The following KIAA0232 variants were observed in gnomAD, a reference collection of about 807,000 sequenced individuals.
KIAA0232 encodes the protein uncharacterized protein KIAA0232.
Under a neutral mutation model 122.0 loss-of-function variants are expected in KIAA0232, and 27 were observed. That is an observed-to-expected ratio of 0.22 (90% CI 0.16 to 0.31). The LOEUF is 0.31. Ranked by LOEUF, KIAA0232 falls within the 10% of genes least tolerant of loss-of-function variation. KIAA0232 has a pLI of 1.00. For synonymous variants in KIAA0232, 613 were observed against 587.6 expected (o/e 1.04, Z -0.63); for missense variants, 1,551 against 1,634.2 (o/e 0.95, Z 0.88).
intron 2 of KIAA0232, among the ~76,000 whole-genome samples, chr4:6,809,750 G>A (rs551374853): frequency 2.2e-4 from 34 of 151,838 alleles, no homozygotes; most frequent in African/African-American, 7.7e-4. Flanking sequence ...ATACAAAATC[G>A]GCATACAAAA....
chr4:6,799,754 G>T (rs1717292080), intron 1 of KIAA0232, among the ~76,000 whole-genome samples: 1 of 152,006 alleles, frequency 6.6e-6, no homozygotes, highest in South Asian at 2.1e-4. Context: ...GAGTGAAGTG[G>T]CACAATCTCG....
At chr4:6,804,149 A>T (rs1717510139) in intron 1 of KIAA0232, among the ~76,000 whole-genome samples, 1 of 152,246 alleles carries the variant, frequency 6.6e-6, no homozygotes, top group Admixed American at 6.5e-5. Context: ...AGATTCAAGG[A>T]TGCCTTAAAG....
intron 2 of KIAA0232, among the ~76,000 whole-genome samples, chr4:6,815,419 C>G (rs1012149288): frequency 1.3e-5 from 2 of 152,174 alleles, no homozygotes; most frequent in African/African-American, 4.8e-5. Flanking sequence ...AATGTTTACC[C>G]CTCTACCAAA....
At chr4:6,821,817 C>T (rs1052511766) in intron 2 of KIAA0232, among the ~76,000 whole-genome samples, 6 of 151,824 alleles carry the variant, frequency 4.0e-5, no homozygotes, top group African/African-American at 1.2e-4. Flanking sequence ...GCTATAAATA[C>T]GAACGAGTGT....
chr4:6,839,033 C>T (rs951801895), intron 3 of KIAA0232, among the ~76,000 whole-genome samples: 4 of 151,994 alleles, frequency 2.6e-5, no homozygotes, highest in Admixed American at 6.6e-5. Context: ...GGCTAAGGCA[C>T]GAGAATCTCT....
intron 4 of KIAA0232, among the ~76,000 whole-genome samples, chr4:6,846,362 G>A (rs1030960321): frequency 1.3e-5 from 2 of 152,294 alleles, no homozygotes; most frequent in African/African-American, 4.8e-5. Context: ...TTAGGAGCTG[G>A]GCTGCACAGC....
chr4:6,816,310 C>G (rs1435887565), intron 2 of KIAA0232, among the ~76,000 whole-genome samples: 2 of 147,916 alleles, frequency 1.4e-5, no homozygotes, highest in Non-Finnish European at 3.0e-5. Flanking sequence ...TGAGACGGAG[C>G]CTCGCTCTGT....
At chr4:6,809,700 A>G (rs1717790112) in intron 2 of KIAA0232, among the ~76,000 whole-genome samples, 1 of 152,116 alleles carries the variant, frequency 6.6e-6, no homozygotes, top group Admixed American at 6.5e-5. Context: ...CCACCAAAAA[A>G]CCTCCTAGAT....
intron 9 of KIAA0232, among the ~76,000 whole-genome samples, chr4:6,879,997 CAGGTCTGTAGTGTCGCCTCA>C (rs1560216051): frequency 1.8e-4 from 14 of 78,264 alleles, no homozygotes; most frequent in South Asian, 6.0e-4. Flanking sequence ...TCCCAACACA[CAGGTCTGTAGTGTCGCCTCA>C]CCATCTGTAC....
Position 6,864,089 on chromosome 4 carries a change from G to A in KIAA0232, c.3707G>A (p.Cys1236Tyr), listed in dbSNP as rs1721040187. The part of the protein sequence containing the change: ...SEANCKIMAQ[C>Y]EEEINNFCGC... Reference sequence around the variant, plus strand: ...GCAAATTGTAAAATAATGGCACAATGCGAGGAAGAAATTAATAATTTTTGT... The same window carrying A: ...GCAAATTGTAAAATAATGGCACAATACGAGGAAGAAATTAATAATTTTTGT... The change falls in exon 7 of 10, where the codon TGC becomes TAC. Residue 1236 changes from cysteine (C) to tyrosine (Y), a missense_variant. Around this residue, in one of 5 missense-constraint regions of KIAA0232, gnomAD observed 1,108 missense variants for 1,154.8 expected, o/e 0.96. Coordinates refer to ENST00000307659, the MANE Select transcript of KIAA0232 (RefSeq NM_014743.3). 1 of 1,614,158 alleles carries A rather than the reference G, an allele frequency of 6.2e-7. No individual in the cohort carries two copies.
chr4:6,861,857 C>T lies in KIAA0232; in HGVS notation c.1475C>T (p.Pro492Leu). The T allele has an allele frequency of 6.2e-7, 1 of 1,613,822 alleles. No individual in the cohort carries two copies. The highest frequency in any genetic ancestry group is 8.5e-7 in the Non-Finnish European group (1 of 1,179,806). ...DLTGTSLCSL[P>L]EDNKYLDDIH... ...ACTGGGACCTCATTATGTTCTCTAC[C>T]AGAGGACAATAAATACCTGGATGAT... The change falls in exon 7 of 10, where the codon CCA becomes CTA. Residue 492 changes from proline to leucine, a missense_variant. Transcript: ENST00000307659.
chr4:6,863,355 AC>A lies in KIAA0232; in HGVS notation c.2976del (p.Phe993SerfsTer17). Reference sequence around the variant, plus strand: ...CTCCTGGGCACAGGCAGTTATGGAAACCCTTCGTGTCATTTGAACAGAATGA... The same window carrying A: ...CTCCTGGGCACAGGCAGTTATGGAAACCTTCGTGTCATTTGAACAGAATGA... ...FAPGHRQLWK[P>X]FVSFEQNDQP... On this transcript the variant is annotated frameshift_variant, in exon 7 of 10. Transcript: ENST00000307659. LOFTEE classifies it high-confidence loss of function. 6.2e-7 allele frequency: 1 copy of A among 1,614,096 alleles called. No individual in the cohort carries two copies. Among genetic ancestry groups the A allele is most frequent in the Non-Finnish European group, 8.5e-7 (1 of 1,180,014 alleles).
chr4:6,872,207 C>T (rs551107894), intron 8 of KIAA0232, among the ~76,000 whole-genome samples: 1 of 152,118 alleles, frequency 6.6e-6, no homozygotes, highest in African/African-American at 2.4e-5. Flanking sequence ...TAGAACAATT[C>T]TAGTAACAGA....
intron 2 of KIAA0232, among the ~76,000 whole-genome samples, chr4:6,811,477 C>G (rs1717873245): frequency 6.6e-6 from 1 of 152,168 alleles, no homozygotes; most frequent in South Asian, 2.1e-4. Flanking sequence ...GGGTCTCACT[C>G]TGTCACCTAG....
intron 3 of KIAA0232, among the ~76,000 whole-genome samples, chr4:6,838,250 G>A (rs1383300579): frequency 2.0e-5 from 3 of 149,496 alleles, no homozygotes; most frequent in East Asian, 3.9e-4. Context: ...GCACAGTGGC[G>A]TGATCTCTGC....
Position 6,883,607 on chromosome 4 carries a change from G to GACT in KIAA0232, c.*2647_*2649dup, listed in dbSNP as rs1217687105. 6.6e-6 allele frequency: 1 copy of GACT among 152,176 alleles called. No individual in the cohort carries two copies. The highest frequency in any genetic ancestry group is 1.5e-5 in the Non-Finnish European group (1 of 68,034). The allele number at this position is 152,176 out of a possible 1,614,324, so 9.4% of individuals were successfully genotyped here. ...CCATCTCACCCCCAGCACACGCAGGGACTACTACCTGAGTCTGCAAAACAC... is the reference window on the plus strand; with the variant it reads ...CCATCTCACCCCCAGCACACGCAGGGACTACTACTACCTGAGTCTGCAAAACAC... On this transcript the variant is annotated 3_prime_UTR_variant, in exon 10 of 10. Coordinates refer to ENST00000307659, the MANE Select transcript of KIAA0232 (RefSeq NM_014743.3).
At chr4:6,830,245 A>C (rs1412364452) in intron 3 of KIAA0232, among the ~76,000 whole-genome samples, 1 of 152,162 alleles carries the variant, frequency 6.6e-6, no homozygotes, top group African/African-American at 2.4e-5. Context: ...ACAGTGGTTA[A>C]ATAGCTTGCC....
At chr4:6,814,861 T>C (rs971057448) in intron 2 of KIAA0232, among the ~76,000 whole-genome samples, 1 of 152,166 alleles carries the variant, frequency 6.6e-6, no homozygotes, top group Non-Finnish European at 1.5e-5. Flanking sequence ...TCTATATTGT[T>C]TTTACATTTT....
In KIAA0232 at chr4:6,815,301, C is replaced by T. The variant is rs571408070; in HGVS notation, c.-269-8884C>T. Among the ~76,000 whole-genome samples, 81 of 152,238 alleles carry T rather than the reference C, an allele frequency of 5.3e-4. 1 individual carries two copies. The Middle Eastern group carries it at 0.01, about 19-fold the overall frequency. On this transcript the variant is annotated intron_variant, in intron 2 of 9. Coordinates refer to ENST00000307659, the MANE Select transcript of KIAA0232 (RefSeq NM_014743.3). ...TGACCATTAGAGGTAAGTTTCACCA[C>T]GGTGGATCATACGTGAAGTAAGTTT... is the stretch of plus-strand genomic sequence containing the variant.
Sources: allele counts gnomAD v4.1 joint callset (sites outside exome capture counted in the v4.1 genomes callset), GRCh38; gene constraint gnomAD v4.1.1; regional missense constraint gnomAD v4.1.1; transcripts MANE v1.5; gene names NCBI Gene and HGNC (gene_info 2026-07-23, HGNC 2026-07-21).